Variants in MBNL1 observed in about 807,000 individuals in gnomAD.
MBNL1 encodes muscleblind-like protein 1.
MBNL1 carries 8 observed loss-of-function variants against 42.2 expected under a neutral mutation model. The observed-to-expected ratio is 0.19, with a 90% confidence interval of 0.11 to 0.34. The LOEUF (loss-of-function observed/expected upper bound fraction) is 0.34, where lower values mean the gene tolerates loss of function less well. MBNL1 is among the 10% of genes least tolerant of loss of function. MBNL1 has a pLI of 1.00. For synonymous variants in MBNL1, 169 were observed against 173.9 expected (o/e 0.97, Z 0.22); for missense variants, 309 against 495.3 (o/e 0.62, Z 3.57).
intron 2 of MBNL1, among the ~76,000 whole-genome samples, chr3:152,360,864 C>T (rs1047630816): frequency 2.0e-5 from 3 of 151,970 alleles, no homozygotes; most frequent in Non-Finnish European, 2.9e-5. Flanking sequence ...TTTTGTTAGT[C>T]AACTTTATCT....
chr3:152,345,984 T>C (rs531550185), intron 2 of MBNL1, among the ~76,000 whole-genome samples: 41 of 152,282 alleles, frequency 2.7e-4, no homozygotes, highest in Non-Finnish European at 4.3e-4. Flanking sequence ...TTTTGTGTTA[T>C]GTTTTGTATC....
chr3:152,282,416 C>T (rs1243699332), intron 1 of MBNL1, among the ~76,000 whole-genome samples: 1 of 151,934 alleles, frequency 6.6e-6, no homozygotes, highest in Non-Finnish European at 1.5e-5. Flanking sequence ...AAATTAAGCA[C>T]CTGTATTTCA....
intron 4 of MBNL1, among the ~76,000 whole-genome samples, chr3:152,440,478 A>C (rs1469192470): frequency 6.6e-6 from 1 of 152,232 alleles, no homozygotes; most frequent in Non-Finnish European, 1.5e-5. Context: ...TAAAACCATC[A>C]GATGTCATGA....
intron 1 of MBNL1, among the ~76,000 whole-genome samples, chr3:152,297,743 G>A (rs1366924669): frequency 2.6e-5 from 4 of 152,006 alleles, no homozygotes; most frequent in South Asian, 2.1e-4. Context: ...TGCAGCTTCC[G>A]CCTCCCGGGT....
chr3:152,362,575 G>C (rs2096057010), intron 2 of MBNL1, among the ~76,000 whole-genome samples: 1 of 152,020 alleles, frequency 6.6e-6, no homozygotes, highest in Non-Finnish European at 1.5e-5. Context: ...TGTCATCTTG[G>C]ACCCGATAAA....
At chr3:152,402,142 C>A (rs1241889765) in intron 2 of MBNL1, among the ~76,000 whole-genome samples, 1 of 151,606 alleles carries the variant, frequency 6.6e-6, no homozygotes, top group African/African-American at 2.4e-5. Context: ...GTTGAAGGAA[C>A]AGGAGAAAAG....
At position 152,451,899 on chromosome 3, in the gene MBNL1, A is replaced by C. The variant is rs377552233; in HGVS notation, c.962-3643A>C. On this transcript the variant is annotated intron_variant, in intron 6 of 9. Transcript: ENST00000324210. ...AGTAATTTGGAGCCTAGTAAGGTACAGTGATTTGTCCCAAGTTAAATGGCT... is the reference window on the plus strand; with the variant it reads ...AGTAATTTGGAGCCTAGTAAGGTACCGTGATTTGTCCCAAGTTAAATGGCT... Among the ~76,000 whole-genome samples the C allele has an allele frequency of 8.7e-4, 132 of 152,298 alleles. 1 individual carries two copies. The highest frequency in any genetic ancestry group is 3.1e-3 in the African/African-American group (127 of 41,564).
intron 1 of MBNL1, among the ~76,000 whole-genome samples, chr3:152,276,793 A>G (rs2045478709): frequency 2.0e-5 from 3 of 152,092 alleles, no homozygotes; most frequent in Non-Finnish European, 2.9e-5. Flanking sequence ...TAGGGTAGTA[A>G]CCTTACAGGA....
intron 8 of MBNL1, chr3:152,457,912 C>T: frequency 2.0e-6 from 1 of 488,930 alleles, no homozygotes. Context: ...CTTGGATCTT[C>T]ATACTATTTG....
At chr3:152,321,290 A>T (rs2076328770) in intron 2 of MBNL1, among the ~76,000 whole-genome samples, 1 of 152,142 alleles carries the variant, frequency 6.6e-6, no homozygotes, top group Non-Finnish European at 1.5e-5. Context: ...TGTAGCTGGT[A>T]ACAAATGCTA....
At chr3:152,457,841 C>T in intron 8 of MBNL1, 1 of 332,184 alleles carries the variant, frequency 3.0e-6, no homozygotes, top group East Asian at 5.7e-5. Context: ...TGCCCTTGGC[C>T]ACCTGGGTTG....
chr3:152,376,287 G>A (rs1449364470), intron 2 of MBNL1, among the ~76,000 whole-genome samples: 6 of 151,870 alleles, frequency 4.0e-5, no homozygotes, highest in South Asian at 2.1e-4. Flanking sequence ...TAACTTTTTC[G>A]GATTATACAA....
At chr3:152,312,203 A>AAAC (rs1560095637) in intron 2 of MBNL1, among the ~76,000 whole-genome samples, 1 of 151,110 alleles carries the variant, frequency 6.6e-6, no homozygotes. Context: ...AAAAAAAAAA[A>AAAC]AAAAAAAAAG....
intron 2 of MBNL1, chr3:152,340,617 G>T (rs1377528270): frequency 5.0e-6 from 8 of 1,613,936 alleles, no homozygotes; most frequent in Middle Eastern, 1.6e-4. Context: ...CTATCAGCAG[G>T]CACCTGCAAC....
chr3:152,307,164 AT>A (rs1410320864), intron 2 of MBNL1, among the ~76,000 whole-genome samples: 4 of 151,956 alleles, frequency 2.6e-5, no homozygotes, highest in Admixed American at 6.6e-5. Flanking sequence ...TAATTTTTGC[AT>A]TTTTAGTAGA....
At chr3:152,393,891 C>T (rs989292145) in intron 2 of MBNL1, among the ~76,000 whole-genome samples, 7 of 152,150 alleles carry the variant, frequency 4.6e-5, no homozygotes, top group African/African-American at 1.4e-4. Flanking sequence ...TTCTTTATCG[C>T]CTTTAGTAGG....
chr3:152,317,477 G>A (rs2072705258), intron 2 of MBNL1, among the ~76,000 whole-genome samples: 1 of 151,954 alleles, frequency 6.6e-6, no homozygotes, highest in Non-Finnish European at 1.5e-5. Flanking sequence ...GCACCACCAT[G>A]CCGGGCTAAT....
chr3:152,316,741 A>G (rs1015119209), intron 2 of MBNL1, among the ~76,000 whole-genome samples: 2 of 152,214 alleles, frequency 1.3e-5, no homozygotes, highest in Admixed American at 6.5e-5. Context: ...TGACTTCTCA[A>G]TCTATAGAGA....
chr3:152,292,351 A>G (rs1279014887), intron 1 of MBNL1, among the ~76,000 whole-genome samples: 2 of 152,226 alleles, frequency 1.3e-5, no homozygotes, highest in Admixed American at 6.5e-5. Context: ...TAATTGGAAT[A>G]CAGTTTAGTT....
Sources: gnomAD v4.1 joint callset for allele counts (sites outside exome capture counted in the v4.1 genomes callset) on GRCh38, gnomAD v4.1.1 for gene constraint, MANE v1.5 for transcripts, NCBI Gene and HGNC (gene_info 2026-07-23, HGNC 2026-07-21) for gene names.